The following DDX27 variants were observed in gnomAD, a reference collection of about 807,000 sequenced individuals.
DDX27 encodes the protein probable ATP-dependent RNA helicase DDX27.
A neutral mutation model predicts 99.3 loss-of-function variants in DDX27; 42 were observed. The ratio of observed to expected loss-of-function variants is 0.42; its 90% CI spans 0.33 to 0.55. DDX27 has a LOEUF of 0.55. Among genes scored for constraint, DDX27 ranks in the 20% least tolerant of loss-of-function variants. DDX27 has a pLI of 0.07. For missense variants in DDX27, 798 were observed against 976.8 expected (o/e 0.82, Z 2.44); for synonymous variants, 329 against 353.8 (o/e 0.93, Z 0.79).
chr20:49,232,164 G>C (rs1027325294), intron 9 of DDX27, among the ~76,000 whole-genome samples: 1 of 151,680 alleles, frequency 6.6e-6, no homozygotes, highest in African/African-American at 2.4e-5. Flanking sequence ...TGGGATTATA[G>C]GCATGAGCCA....
At chr20:49,222,900 C>T (rs1979740769) in intron 2 of DDX27, 57 bp from the exon 3 acceptor site, 2 of 1,444,630 alleles carry the variant, frequency 1.4e-6, no homozygotes, top group African/African-American at 1.4e-5. Flanking sequence ...AGAGTTTGTT[C>T]TCTTATTCGA....
intron 12 of DDX27, 131 bp downstream of exon 12, chr20:49,235,219 A>G (rs1443757578): frequency 1.0e-5 from 11 of 1,064,090 alleles, no homozygotes; most frequent in Non-Finnish European, 1.4e-5. Context: ...GGCCTTGAAC[A>G]TTTTAACCTA....
intron 7 of DDX27, among the ~76,000 whole-genome samples, chr20:49,228,453 A>C (rs1274351192): frequency 6.6e-6 from 1 of 151,498 alleles, no homozygotes; most frequent in Non-Finnish European, 1.5e-5. Flanking sequence ...TTGTATTTTT[A>C]GTAGAATTGG....
At chr20:49,241,041 C>T (rs572695534) in intron 16 of DDX27, among the ~76,000 whole-genome samples, 1 of 152,228 alleles carries the variant, frequency 6.6e-6, no homozygotes, top group South Asian at 2.1e-4. Flanking sequence ...CAACAAAAAA[C>T]CCAAAAAATA....
chr20:49,239,226 A>G lies in DDX27; in HGVS notation c.1795-10A>G, dbSNP rs1980399143. On this transcript the variant is annotated splice_polypyrimidine_tract_variant and intron_variant, in intron 15 of 20. Transcript: ENST00000618172. ...GTTTCACGGCAGGCATCCTTTTGTT[A>G]TCTCTACAGATCAATACAGCAAAGC... is the stretch of plus-strand genomic sequence containing the variant. 3.7e-6 allele frequency: 6 copies of G among 1,613,386 alleles called. No homozygotes were observed. The Admixed American group carries it at 5.0e-5, about 13-fold the overall frequency.
At chr20:49,222,435 G>C (rs1289840044) in intron 2 of DDX27, among the ~76,000 whole-genome samples, 5 of 152,108 alleles carry the variant, frequency 3.3e-5, no homozygotes, top group African/African-American at 7.2e-5. Context: ...TCAGCCTCTT[G>C]AGTAGCTGGG....
intron 12 of DDX27, 195 bp from the exon 13 acceptor site, chr20:49,235,955 G>A: frequency 2.5e-6 from 1 of 403,722 alleles, no homozygotes; most frequent in Non-Finnish European, 4.5e-6. Flanking sequence ...GTGTTAGCGA[G>A]GATGGTCTCG....
intron 1 of DDX27, among the ~76,000 whole-genome samples, chr20:49,220,315 G>A (rs146577974): frequency 5.9e-4 from 90 of 152,144 alleles, no homozygotes; most frequent in African/African-American, 2.1e-3. Flanking sequence ...AGCTTCTCCC[G>A]CCTCTCTCCA....
intron 9 of DDX27, among the ~76,000 whole-genome samples, chr20:49,232,228 A>G (rs986313321): frequency 2.0e-5 from 3 of 152,084 alleles, no homozygotes; most frequent in South Asian, 2.1e-4. Context: ...AGGTTTTGCT[A>G]TGCTGCCCAG....
intron 1 of DDX27, 47 bp from the exon 2 acceptor site, chr20:49,221,405 A>G: frequency 6.2e-7 from 1 of 1,610,048 alleles, no homozygotes; most frequent in Non-Finnish European, 8.5e-7. Context: ...GCTTTCTATC[A>G]TTCTTTATCT....
intron 14 of DDX27, among the ~76,000 whole-genome samples, chr20:49,237,404 A>T (rs1281745917): frequency 6.6e-5 from 10 of 152,204 alleles, no homozygotes; most frequent in Admixed American, 6.5e-4. Context: ...TGTGTCAAAG[A>T]GCTCACCACT....
At chr20:49,224,285 CTG>C (rs908340999) in intron 4 of DDX27, among the ~76,000 whole-genome samples, 39 of 152,122 alleles carry the variant, frequency 2.6e-4, no homozygotes, top group African/African-American at 9.4e-4. Context: ...CCAGATGCCA[CTG>C]TGATACAAAC....
Position 49,223,391 on chromosome 20 carries a change from A to G in DDX27, c.424A>G (p.Thr142Ala), listed in dbSNP as rs1390764784. The G allele has an allele frequency of 2.5e-6, 4 of 1,613,560 alleles. No homozygotes were observed. In the South Asian group the frequency reaches 4.4e-5, roughly 18 times the overall value. The change falls in exon 4 of 21, where the codon ACT becomes GCT. Residue 142 changes from threonine (T) to alanine (A), a missense_variant. This residue lies in a region of DDX27 where 245 missense variants were observed against 248.8 expected (regional missense o/e 0.98). Transcript: ENST00000618172. Reference sequence around the variant, plus strand: ...AGGCTCAGAAGATGAAGCCTCGGAGACTGACTACTCATCAGCTGATGAGAA... The same window carrying G: ...AGGCTCAGAAGATGAAGCCTCGGAGGCTGACTACTCATCAGCTGATGAGAA... ...EEGSEDEASE[T>A]DYSSADENIL...
intron 7 of DDX27, among the ~76,000 whole-genome samples, chr20:49,227,667 C>G (rs950383229): frequency 1.4e-4 from 21 of 152,094 alleles, no homozygotes; most frequent in African/African-American, 5.1e-4. Context: ...CCGTGCCTGG[C>G]ATACTGAAGG....
rs923893482 is a variant in DDX27, at chr20:49,225,260, A to G, written c.600+61A>G. On this transcript the variant is annotated intron_variant, in intron 6 of 20. Transcript: ENST00000618172. ...GCATGGTCTTGCTATGTTGTCCAAG[A>G]TGGTCTCAAATTCCTGGCATCAAGC... is the stretch of plus-strand genomic sequence containing the variant. 1.7e-5 allele frequency: 23 copies of G among 1,338,772 alleles called. No individual in the cohort carries two copies. In the African/African-American group the frequency reaches 2.6e-4, roughly 15 times the overall value. 82.9% of individuals were successfully genotyped at this position (1,338,772 alleles called of 1,614,324 possible).
At chr20:49,222,928 C>CT in intron 2 of DDX27, 29 bp from the exon 3 acceptor site, 1 of 1,563,212 alleles carries the variant, frequency 6.4e-7, no homozygotes, top group Non-Finnish European at 8.7e-7. Flanking sequence ...ATGAAAATTT[C>CT]TTTTTCACCT....
intron 5 of DDX27, 49 bp downstream of exon 5, chr20:49,225,040 G>A (rs1457944564): frequency 6.2e-7 from 1 of 1,613,282 alleles, no homozygotes; most frequent in Non-Finnish European, 8.5e-7. Context: ...CAAACCGAAA[G>A]GAGTTTAAGG....
chr20:49,226,576 C>A, intron 7 of DDX27, 41 bp downstream of exon 7: 1 of 1,498,738 alleles, frequency 6.7e-7, no homozygotes, highest in Non-Finnish European at 9.3e-7. Flanking sequence ...AAGGGTGTTA[C>A]GGCCAGGGCT....
chr20:49,239,069 G>C lies in DDX27; in HGVS notation c.1794+14G>C. On this transcript the variant is annotated intron_variant, in intron 15 of 20. Transcript: ENST00000618172. Reference sequence around the variant, plus strand: ...TCAGAAGCCCAGGTGAGGCTGCGAGGCGGGATCTTGTTCACAAGGCTGCTC... The same window carrying C: ...TCAGAAGCCCAGGTGAGGCTGCGAGCCGGGATCTTGTTCACAAGGCTGCTC... 1 of 1,606,500 alleles carries C rather than the reference G, an allele frequency of 6.2e-7. No homozygotes were observed. The highest frequency in any genetic ancestry group is 8.5e-7 in the Non-Finnish European group (1 of 1,173,130).
Sources: allele counts gnomAD v4.1 joint callset (sites outside exome capture counted in the v4.1 genomes callset), GRCh38; gene constraint gnomAD v4.1.1; regional missense constraint gnomAD v4.1.1; transcripts MANE v1.5; gene names NCBI Gene and HGNC (gene_info 2026-07-23, HGNC 2026-07-21).